RASSF1: variants seen among roughly 807,000 people sequenced by gnomAD.
RASSF1 encodes Ras association domain family member 1.
Under a neutral mutation model 34.3 loss-of-function variants are expected in RASSF1, and 33 were observed. That is an observed-to-expected ratio of 0.96 (90% CI 0.73 to 1.29). The LOEUF (loss-of-function observed/expected upper bound fraction) is 1.29. Among genes scored for constraint, RASSF1 ranks in the 50% most tolerant of loss-of-function variants. RASSF1 has a pLI of 0.00. For synonymous variants in RASSF1, 191 were observed against 195.0 expected (o/e 0.98, Z 0.17); for missense variants, 445 against 471.8 (o/e 0.94, Z 0.53).
At chr3:50,333,961 C>T (rs751878213) in intron 2 of RASSF1, among the ~76,000 whole-genome samples, 4 of 152,164 alleles carry the variant, frequency 2.6e-5, no homozygotes, top group African/African-American at 7.2e-5. Flanking sequence ...AGTTAGAATG[C>T]GAGTGTCACA....
intron 1 of RASSF1, 93 bp from the exon 2 acceptor site, chr3:50,338,104 C>T (rs1161865140): frequency 6.6e-7 from 1 of 1,508,028 alleles, no homozygotes; most frequent in Non-Finnish European, 8.9e-7. Flanking sequence ...GGCCGCTGCT[C>T]GCCAGGCTCC....
At chr3:50,333,525 G>A (rs1350236815) in intron 2 of RASSF1, among the ~76,000 whole-genome samples, 1 of 151,740 alleles carries the variant, frequency 6.6e-6, no homozygotes, top group Admixed American at 6.6e-5. Flanking sequence ...CGCCCAGGCT[G>A]TAGTGCAGTG....
chr3:50,337,586 C>G, intron 2 of RASSF1: 1 of 1,316,836 alleles, frequency 7.6e-7, no homozygotes. Flanking sequence ...CCACAGGGAA[C>G]GGGGGCGGGT....
chr3:50,337,124 C>A, intron 2 of RASSF1: 1 of 1,529,758 alleles, frequency 6.5e-7, no homozygotes, highest in Non-Finnish European at 8.8e-7. Context: ...GAGGGCGGAG[C>A]TCCAGCGACC....
At chr3:50,338,175 A>AC (rs3840490) in intron 1 of RASSF1, 164 bp from the exon 2 acceptor site, 208,375 of 1,414,336 alleles carry the variant, frequency 0.15, 22,617 homozygotes, top group East Asian at 0.62. Context: ...AATGTTGGCC[A>AC]CCTGGGCGTC....
In RASSF1 at chr3:50,331,652, G is replaced by A. The variant is rs898332991; in HGVS notation, c.667C>T (p.Arg223Cys). 14 of 1,612,082 alleles carry A rather than the reference G, an allele frequency of 8.7e-6. No homozygotes were observed. In the East Asian group the frequency reaches 1.3e-4, roughly 15 times the overall value. ...CGCAGCAGGGCCTCAATGACTTCACGTGCCCTTGTGCGTGACAGCACATGC... is the reference window on the plus strand; with the variant it reads ...CGCAGCAGGGCCTCAATGACTTCACATGCCCTTGTGCGTGACAGCACATGC... The part of the protein sequence containing the change: ...HLHVLSRTRA[R>C]EVIEALLRKF... Residue 223 changes from arginine (R) to cysteine (C), a missense_variant, in exon 4 of 6, where the codon CGT becomes TGT. Transcript: ENST00000359365.
At chr3:50,339,360 CTTTTTTTTTT>C (rs1017192174) in intron 1 of RASSF1, among the ~76,000 whole-genome samples, 1 of 104,452 alleles carries the variant, frequency 9.6e-6, no homozygotes, top group South Asian at 3.0e-4. Context: ...CAGCCTTGTT[CTTTTTTTTTT>C]TTTTTTTTTT....
intron 2 of RASSF1, among the ~76,000 whole-genome samples, chr3:50,333,931 G>A (rs1303788597): frequency 1.3e-5 from 2 of 152,302 alleles, no homozygotes; most frequent in Admixed American, 6.5e-5. Flanking sequence ...CTTACTTCCT[G>A]TTGACGTCAG....
intron 1 of RASSF1, among the ~76,000 whole-genome samples, chr3:50,339,348 C>T (rs1420949465): frequency 1.3e-5 from 2 of 151,134 alleles, no homozygotes; most frequent in African/African-American, 4.9e-5. Flanking sequence ...GCTGCAATGT[C>T]CCAGCCTTGT....
chr3:50,331,603 G>C lies in RASSF1; in HGVS notation c.716C>G (p.Pro239Arg), dbSNP rs987897575. The change falls in exon 4 of 6, where the codon CCC becomes CGC. Residue 239 changes from proline to arginine, a missense_variant. Coordinates refer to ENST00000359365, the MANE Select transcript of RASSF1 (RefSeq NM_007182.5). ...LLRKFLVVDDPRKFALFERAE... is the reference protein window; with the variant it reads ...LLRKFLVVDDRRKFALFERAE... ...GCGCTCAAAGAGTGCAAACTTGCGG[G>C]GGTCATCCACCACCAAGAACTTTCG... 1 of 1,603,942 alleles carries C rather than the reference G, an allele frequency of 6.2e-7. No individual in the cohort carries two copies. The highest frequency in any genetic ancestry group is 8.5e-7 in the Non-Finnish European group (1 of 1,171,662).
Position 50,340,649 on chromosome 3 carries a change from G to A in RASSF1, c.157C>T (p.Arg53Cys), listed in dbSNP as rs201618726. The change falls in exon 1 of 6, where the codon CGC (arginine) becomes TGC (cysteine). Residue 53 changes from arginine to cysteine, a missense_variant. Physicochemically the swap from Arg to Cys is radical, Grantham distance 180. Transcript: ENST00000359365. ...GTGGCGGGCCCCGCGGGCTGGAAGC[G>A]GTGGCCACGGCCAGGGACCAGCTGC... ...TRQLVPGRGHRFQPAGPATHT... is the reference protein window; with the variant it reads ...TRQLVPGRGHCFQPAGPATHT... The A allele has an allele frequency of 4.7e-4, 721 of 1,526,612 alleles. 3 individuals are homozygous for A. In the African/African-American group the frequency reaches 9.1e-3, roughly 19 times the overall value. 94.6% of individuals were successfully genotyped at this position (1,526,612 alleles called of 1,614,324 possible). A position where few individuals can be genotyped will look rare whatever the true frequency, so the allele number is the denominator to read the frequency against.
Position 50,331,771 on chromosome 3 carries a change from G to C in RASSF1, c.548C>G (p.Pro183Arg), listed in dbSNP as rs775278958. The C allele has an allele frequency of 6.2e-7, 1 of 1,607,498 alleles. No homozygotes were observed. The highest frequency in any genetic ancestry group is 8.5e-7 in the Non-Finnish European group (1 of 1,174,786). The change falls in exon 4 of 6, where the codon CCC becomes CGC. Residue 183 changes from proline (P) to arginine (R), a missense_variant. Transcript: ENST00000359365. ...GCCCCGCCGGGCATCCTGCAAGGAGGGTGGCTTCTTGCTGGAGGGCACAGA... is the reference window on the plus strand; with the variant it reads ...GCCCCGCCGGGCATCCTGCAAGGAGCGTGGCTTCTTGCTGGAGGGCACAGA... ...PVSVPSSKKPPSLQDARRGPG... is the reference protein window; with the variant it reads ...PVSVPSSKKPRSLQDARRGPG...
chr3:50,336,995 G>A (rs1204852707), intron 2 of RASSF1: 3 of 875,436 alleles, frequency 3.4e-6, no homozygotes, highest in African/African-American at 3.5e-5. Flanking sequence ...GCATCTAGGC[G>A]GTGGAATCGG....
intron 2 of RASSF1, among the ~76,000 whole-genome samples, chr3:50,333,592 T>G (rs1482523544): frequency 6.6e-6 from 1 of 152,012 alleles, no homozygotes; most frequent in Non-Finnish European, 1.5e-5. Flanking sequence ...TTCTCCTGCC[T>G]CAGACTCCCG....
chr3:50,336,082 G>T (rs1342797102), intron 2 of RASSF1, among the ~76,000 whole-genome samples: 2 of 152,162 alleles, frequency 1.3e-5, no homozygotes, highest in African/African-American at 4.8e-5. Flanking sequence ...TTTTCAATTG[G>T]TTAGTGTCTT....
intron 1 of RASSF1, among the ~76,000 whole-genome samples, chr3:50,339,698 C>A (rs6446203): frequency 6.6e-6 from 1 of 152,048 alleles, no homozygotes; most frequent in Non-Finnish European, 1.5e-5. Flanking sequence ...TCTGTCACAA[C>A]TTTGTGCTCC....
At chr3:50,334,498 G>A (rs1703056604) in intron 2 of RASSF1, among the ~76,000 whole-genome samples, 1 of 152,222 alleles carries the variant, frequency 6.6e-6, no homozygotes, top group Non-Finnish European at 1.5e-5. Context: ...ACCCAGATGG[G>A]AGGAGTACTA....
chr3:50,336,181 T>C (rs1450260736), intron 2 of RASSF1, among the ~76,000 whole-genome samples: 1 of 152,246 alleles, frequency 6.6e-6, no homozygotes, highest in Non-Finnish European at 1.5e-5. Flanking sequence ...ACTCAACCCT[T>C]GCACCCAAGC....
intron 2 of RASSF1, among the ~76,000 whole-genome samples, chr3:50,333,851 G>A (rs1703030674): frequency 6.6e-6 from 1 of 152,208 alleles, no homozygotes; most frequent in Admixed American, 6.5e-5. Context: ...AGGGTGGAGT[G>A]TGGGACAGGG....
Sources: gnomAD v4.1 joint callset for allele counts (sites outside exome capture counted in the v4.1 genomes callset) on GRCh38, gnomAD v4.1.1 for gene constraint, MANE v1.5 for transcripts, NCBI Gene and HGNC (gene_info 2026-07-23, HGNC 2026-07-21) for gene names.